Variants in CUX2 observed in about 807,000 individuals in gnomAD.
CUX2 encodes the protein homeobox protein cut-like 2.
In CUX2, 40 loss-of-function variants were observed where a neutral mutation model predicts 144.8. The observed-to-expected ratio is 0.28, with a 90% CI of 0.21 to 0.36. The LOEUF is 0.36. Ranked by LOEUF, CUX2 falls within the 10% of genes least tolerant of loss-of-function variation. The probability of loss-of-function intolerance (pLI) is 1.00; values close to 1 mark genes in which losing one functional copy is unlikely to be tolerated. For missense variants in CUX2, 1,615 were observed against 1,994.0 expected (o/e 0.81, Z 3.62); for synonymous variants, 827 against 875.6 (o/e 0.94, Z 0.98).
In CUX2 at chr12:111,274,951, C is replaced by CA. The variant is rs5800926; in HGVS notation, c.301+11124dup. ...AGATTCCCCAACCCCCTCCATGATT[C>CA]AAAAAAAAAAAACAAAAAAACAAAA... On this transcript the variant is annotated intron_variant, in intron 4 of 21. Coordinates refer to ENST00000261726, the MANE Select transcript of CUX2 (RefSeq NM_015267.4). Among the ~76,000 whole-genome samples, 184 of 133,200 alleles carry CA rather than the reference C, an allele frequency of 1.4e-3. 1 individual carries two copies. The highest frequency in any genetic ancestry group is 2.8e-3 in the South Asian group (12 of 4,268). 87.4% of individuals were successfully genotyped at this position (133,200 alleles called of 152,430 possible). A position where few individuals can be genotyped will look rare whatever the true frequency, so the allele number is the denominator to read the frequency against.
intron 20 of CUX2, among the ~76,000 whole-genome samples, chr12:111,340,871 A>T (rs887357689): frequency 1.3e-5 from 2 of 152,032 alleles, no homozygotes; most frequent in African/African-American, 4.8e-5. Flanking sequence ...TACCTCTTTT[A>T]AAAAGTTCTA....
At chr12:111,195,912 A>G (rs1277046844) in intron 1 of CUX2, among the ~76,000 whole-genome samples, 1 of 152,108 alleles carries the variant, frequency 6.6e-6, no homozygotes, top group Non-Finnish European at 1.5e-5. Flanking sequence ...GTACAACACA[A>G]TCGATTTAGT....
intron 1 of CUX2, among the ~76,000 whole-genome samples, chr12:111,162,207 A>C (rs113161151): frequency 0.026 from 3,942 of 152,306 alleles, 186 homozygotes; most frequent in African/African-American, 0.091. Context: ...AGAGGTGAGA[A>C]CTGCCCCTGG....
rs115954711 is a variant in CUX2 at position 111,123,517 on chromosome 12, G to T, written c.63+89277G>T. ...GCACTTTGTATGTGTTGGATCACAT[G>T]CACTTTCTATACATTAGCTCACTTA... On this transcript the variant is annotated intron_variant, in intron 1 of 21. Transcript: ENST00000261726. Among the ~76,000 whole-genome samples, 624 of 151,040 alleles carry T rather than the reference G, an allele frequency of 4.1e-3. 3 individuals are homozygous for T. Among genetic ancestry groups the T allele is most frequent in the African/African-American group, 0.015 (604 of 41,108 alleles).
chr12:111,052,709 G>A (rs780002918), intron 1 of CUX2, among the ~76,000 whole-genome samples: 1 of 152,184 alleles, frequency 6.6e-6, no homozygotes, highest in African/African-American at 2.4e-5. Context: ...GTGTCAGTGC[G>A]TGTCTTTGTT....
At chr12:111,073,765 G>C (rs1393711757) in intron 1 of CUX2, among the ~76,000 whole-genome samples, 1 of 152,046 alleles carries the variant, frequency 6.6e-6, no homozygotes, top group East Asian at 1.9e-4. Flanking sequence ...TTTGAAACCA[G>C]CCTGGGCAAC....
intron 3 of CUX2, among the ~76,000 whole-genome samples, chr12:111,257,081 T>G (rs563546637): frequency 1.3e-5 from 2 of 152,262 alleles, no homozygotes; most frequent in Non-Finnish European, 2.9e-5. Context: ...CTAAACACAT[T>G]GTCACCCCTC....
chr12:111,325,423 A>G (rs1416503933), intron 18 of CUX2, among the ~76,000 whole-genome samples: 1 of 152,116 alleles, frequency 6.6e-6, no homozygotes, highest in African/African-American at 2.4e-5. Context: ...ACTGTTTATC[A>G]TTTCCATTTC....
At position 111,116,667 on chromosome 12, in the gene CUX2, G is replaced by A. The variant is rs370102511; in HGVS notation, c.63+82427G>A. Reference sequence around the variant, plus strand: ...GAATGGAGAGTCCTGTGGAGGACTCGACTTTTGGAAGAGACCAGAGATAGT... The same window carrying A: ...GAATGGAGAGTCCTGTGGAGGACTCAACTTTTGGAAGAGACCAGAGATAGT... On this transcript the variant is annotated intron_variant, in intron 1 of 21. Coordinates refer to ENST00000261726, the MANE Select transcript of CUX2 (RefSeq NM_015267.4). Among the ~76,000 whole-genome samples, 73 of 152,270 alleles carry A rather than the reference G, an allele frequency of 4.8e-4. No homozygotes were observed. In the East Asian group the frequency reaches 8.1e-3, roughly 17 times the overall value.
At chr12:111,238,645 C>T (rs1882877061) in intron 3 of CUX2, among the ~76,000 whole-genome samples, 1 of 152,072 alleles carries the variant, frequency 6.6e-6, no homozygotes, top group Admixed American at 6.6e-5. Context: ...TACTATGTGC[C>T]GAGCTCTGGG....
At chr12:111,183,117 G>A (rs1879294017) in intron 1 of CUX2, among the ~76,000 whole-genome samples, 1 of 152,250 alleles carries the variant, frequency 6.6e-6, no homozygotes, top group East Asian at 1.9e-4. Flanking sequence ...GAGGCTGGAA[G>A]TCAAATTCAG....
At chr12:111,330,708 T>TATACAC (rs1555217581) in intron 18 of CUX2, among the ~76,000 whole-genome samples, 3 of 22,376 alleles carry the variant, frequency 1.3e-4, no homozygotes, top group African/African-American at 5.2e-4. Context: ...TATATATATA[T>TATACAC]ATATATATAT....
Position 111,190,171 on chromosome 12 carries a change from T to A in CUX2, c.64-24029T>A, listed in dbSNP as rs1879791795. The stretch of plus-strand genomic sequence containing the variant: ...GTCTCTGGCCCATTTTTCTATTTGA[T>A]CATCTCTTCCTTACTGAATTTTTAG... On this transcript the variant is annotated intron_variant, in intron 1 of 21. Transcript: ENST00000261726. The surrounding 1 kb of genome is among the most constrained non-coding windows in gnomAD (Gnocchi z 4.0). 6.6e-6 allele frequency among the ~76,000 whole-genome samples: 1 copy of A among 152,204 alleles called. No individual in the cohort carries two copies. The highest frequency in any genetic ancestry group is 6.5e-5 in the Admixed American group (1 of 15,288).
At chr12:111,240,522 T>C (rs1882970426) in intron 3 of CUX2, among the ~76,000 whole-genome samples, 1 of 152,248 alleles carries the variant, frequency 6.6e-6, no homozygotes, top group South Asian at 2.1e-4. Flanking sequence ...CGGTCTAGCC[T>C]GAGATCAGTG....
chr12:111,082,267 G>A (rs1014135006), intron 1 of CUX2, among the ~76,000 whole-genome samples: 2 of 152,136 alleles, frequency 1.3e-5, no homozygotes, highest in Non-Finnish European at 2.9e-5. Flanking sequence ...AGAGATGAGC[G>A]GGAGAGAGAG....
At chr12:111,095,035 G>C (rs910086901) in intron 1 of CUX2, among the ~76,000 whole-genome samples, 1 of 152,140 alleles carries the variant, frequency 6.6e-6, no homozygotes, top group African/African-American at 2.4e-5. Context: ...CTCCTATTTA[G>C]AGGGTCAGCC....
At chr12:111,311,596 TA>T (rs141639086) in intron 15 of CUX2, among the ~76,000 whole-genome samples, 1,628 of 124,812 alleles carry the variant, frequency 0.013, 45 homozygotes, top group African/African-American at 0.054. Context: ...ATTTCTTTAT[TA>T]TTATTATTTT....
chr12:111,036,590 A>C (rs1869458999), intron 1 of CUX2, among the ~76,000 whole-genome samples: 1 of 151,002 alleles, frequency 6.6e-6, no homozygotes, highest in African/African-American at 2.4e-5. Context: ...GGTGATGGGG[A>C]GATAGGACCC....
At position 111,295,514 on chromosome 12, in the gene CUX2, A is replaced by T. The variant is rs1289274282; in HGVS notation, c.637+105A>T. On this transcript the variant is annotated intron_variant, in intron 7 of 21. Coordinates refer to ENST00000261726, the MANE Select transcript of CUX2 (RefSeq NM_015267.4). The surrounding 1 kb of genome is among the most constrained non-coding windows in gnomAD (Gnocchi z 5.0). ...GTCTGCCACATCCAGGTGTTTTAGA[A>T]TCAAGAGGGCAAAATGGGAGTTTGG... The T allele has an allele frequency of 1.0e-6, 1 of 955,936 alleles. No homozygotes were observed. Among genetic ancestry groups the T allele is most frequent in the East Asian group, 2.8e-5 (1 of 36,020 alleles). The allele number at this position is 955,936 out of a possible 1,614,324, so 59.2% of individuals were successfully genotyped here. A position where few individuals can be genotyped will look rare whatever the true frequency, so the allele number is the denominator to read the frequency against.
Sources: allele counts gnomAD v4.1 joint callset (sites outside exome capture counted in the v4.1 genomes callset), GRCh38; gene constraint gnomAD v4.1.1; non-coding constraint Gnocchi (gnomAD v3.1); transcripts MANE v1.5; gene names NCBI Gene and HGNC (gene_info 2026-07-23, HGNC 2026-07-21).